Variants in SEM1 observed in about 807,000 individuals in gnomAD.
SEM1 encodes 26S proteasome complex subunit SEM1.
A neutral mutation model predicts 12.7 loss-of-function variants in SEM1; 3 were observed. The observed-to-expected ratio is 0.24, with a 90% CI of 0.11 to 0.61. The LOEUF is 0.61. Ranked by LOEUF, SEM1 falls within the 20% of genes least tolerant of loss-of-function variation. The probability of loss-of-function intolerance (pLI) is 0.88; values close to 1 mark genes in which losing one functional copy is unlikely to be tolerated. For missense variants in SEM1, 59 were observed against 81.3 expected (o/e 0.73, Z 1.06); for synonymous variants, 30 against 27.8 (o/e 1.08, Z -0.25).
intron 2 of SEM1, among the ~76,000 whole-genome samples, chr7:96,642,375 G>A (rs1467725543): frequency 1.3e-5 from 2 of 151,954 alleles, no homozygotes; most frequent in East Asian, 1.9e-4. Flanking sequence ...TCTGCATATG[G>A]GAAATATTCT....
intron 2 of SEM1, among the ~76,000 whole-genome samples, chr7:96,592,730 C>G (rs1039100050): frequency 7.2e-5 from 11 of 151,802 alleles, no homozygotes; most frequent in Non-Finnish European, 1.5e-4. Context: ...ATTTTCTTAA[C>G]AGGGTTTCAA....
chr7:96,534,200 G>A (rs1424530179), intron 2 of SEM1, among the ~76,000 whole-genome samples: 1 of 151,906 alleles, frequency 6.6e-6, no homozygotes, highest in East Asian at 1.9e-4. Flanking sequence ...GTCACTTCAG[G>A]GAAAACAACT....
At chr7:96,693,689 G>C (rs1457844578) in intron 2 of SEM1, among the ~76,000 whole-genome samples, 1 of 151,716 alleles carries the variant, frequency 6.6e-6, no homozygotes, top group African/African-American at 2.4e-5. Context: ...TTGTTCAACT[G>C]CTGTAGAAAA....
intron 2 of SEM1, among the ~76,000 whole-genome samples, chr7:96,571,237 T>C (rs1444490125): frequency 6.6e-6 from 1 of 152,200 alleles, no homozygotes; most frequent in East Asian, 1.9e-4. Context: ...TTTTGGCTTT[T>C]GTTGCCATGC....
At chr7:96,704,815 A>G (rs1359219080) in intron 1 of SEM1, among the ~76,000 whole-genome samples, 1 of 152,198 alleles carries the variant, frequency 6.6e-6, no homozygotes, top group Admixed American at 6.5e-5. Flanking sequence ...TATCTTCTAC[A>G]TTTAAGATTC....
rs964138509 is a variant in SEM1, at chr7:96,640,562, G to T, written c.171-17919C>A. On this transcript the variant is annotated intron_variant, in intron 2 of 2. Transcript: ENST00000417009. The surrounding 1 kb of genome is among the most constrained non-coding windows in gnomAD (Gnocchi z 4.0). ...CAGTGAAAACTTTAGTGGTTGGCAG[G>T]GGGTAGTGGGAGGGAGAGATGAATA... 6.6e-6 allele frequency among the ~76,000 whole-genome samples: 1 copy of T among 151,992 alleles called. No individual in the cohort carries two copies. The highest frequency in any genetic ancestry group is 1.5e-5 in the Non-Finnish European group (1 of 67,940).
At chr7:96,697,028 T>C (rs1490862180) in intron 1 of SEM1, 1 of 152,022 alleles carries the variant, frequency 6.6e-6, no homozygotes, top group Non-Finnish European at 1.5e-5. Context: ...TCATGTCTAA[T>C]GCCATCCTTC....
chr7:96,633,400 C>T (rs888653226), intron 2 of SEM1, among the ~76,000 whole-genome samples: 3 of 151,936 alleles, frequency 2.0e-5, no homozygotes, highest in Non-Finnish European at 4.4e-5. Flanking sequence ...GGTTGGATTA[C>T]CACATCCACA....
downstream of SEM1, chr7:96,621,832 T>C (rs1807901650): frequency 6.6e-6 from 1 of 152,208 alleles, no homozygotes; most frequent in Non-Finnish European, 1.5e-5. Flanking sequence ...ATATGACCCA[T>C]CTTCTCTGAC....
intron 2 of SEM1, among the ~76,000 whole-genome samples, chr7:96,550,580 G>T (rs1563056180): frequency 6.6e-6 from 1 of 152,180 alleles, no homozygotes; most frequent in Non-Finnish European, 1.5e-5. Context: ...CAATTATGAA[G>T]TGTGTTGAAA....
At chr7:96,554,005 T>C (rs1277395264) in intron 2 of SEM1, among the ~76,000 whole-genome samples, 3 of 151,792 alleles carry the variant, frequency 2.0e-5, no homozygotes, top group African/African-American at 4.9e-5. Context: ...TTGTCTGTTG[T>C]TGGTGTATAA....
chr7:96,677,876 T>C (rs761185596), intron 2 of SEM1, among the ~76,000 whole-genome samples: 1 of 152,130 alleles, frequency 6.6e-6, no homozygotes, highest in African/African-American at 2.4e-5. Context: ...ATAAAACCAA[T>C]GTCCACTATG....
chr7:96,669,878 T>G (rs1364847461), downstream of SEM1, among the ~76,000 whole-genome samples: 2 of 152,212 alleles, frequency 1.3e-5, no homozygotes, highest in Non-Finnish European at 2.9e-5. Flanking sequence ...TGATCACTAT[T>G]TGTTGACACA....
intron 2 of SEM1, among the ~76,000 whole-genome samples, chr7:96,521,617 C>T (rs138074610): frequency 3.5e-4 from 54 of 152,222 alleles, no homozygotes; most frequent in African/African-American, 1.3e-3. Context: ...CAGGTCACAA[C>T]TGCGTAATGG....
Position 96,664,122 on chromosome 7 carries a change from A to G in SEM1, c.170+30676T>C, listed in dbSNP as rs1182335640. 4.6e-5 allele frequency: 7 copies of G among 152,188 alleles called. No individual in the cohort carries two copies. The East Asian group carries it at 9.6e-4, about 21-fold the overall frequency. 9.4% of individuals were successfully genotyped at this position (152,188 alleles called of 1,614,324 possible). A position where few individuals can be genotyped will look rare whatever the true frequency, so the allele number is the denominator to read the frequency against. ...ACCCAGTAATTCCACTCTTAGTTAT[A>G]TATCTGTTTGCTTTCTATTGCTGCC... On this transcript the variant is annotated intron_variant, in intron 2 of 2. Coordinates refer to the SEM1 transcript ENST00000417009.
intron 1 of SEM1, among the ~76,000 whole-genome samples, chr7:96,703,632 C>T (rs1341944723): frequency 6.7e-6 from 1 of 149,164 alleles, no homozygotes; most frequent in East Asian, 2.1e-4. Context: ...TAAGGTTATT[C>T]ACTGCAGCAT....
intron 2 of SEM1, among the ~76,000 whole-genome samples, chr7:96,633,310 C>G (rs937458792): frequency 1.3e-5 from 2 of 152,064 alleles, no homozygotes; most frequent in African/African-American, 2.4e-5. Flanking sequence ...AGGGTAGCAA[C>G]TGCTTGCCTT....
At chr7:96,537,932 GA>G (rs1804837191) in intron 2 of SEM1, among the ~76,000 whole-genome samples, 1 of 151,608 alleles carries the variant, frequency 6.6e-6, no homozygotes, top group African/African-American at 2.4e-5. Flanking sequence ...TATGCCTTTT[GA>G]AATTTTCCCA....
At chr7:96,579,715 T>C (rs980753961) in intron 2 of SEM1, among the ~76,000 whole-genome samples, 2 of 152,190 alleles carry the variant, frequency 1.3e-5, no homozygotes, top group African/African-American at 4.8e-5. Flanking sequence ...TAAAATAAAG[T>C]GTTTCATTTT....
Sources: gnomAD v4.1 joint callset for allele counts (sites outside exome capture counted in the v4.1 genomes callset) on GRCh38, gnomAD v4.1.1 for gene constraint, Gnocchi (gnomAD v3.1) non-coding constraint, MANE v1.5 for transcripts, NCBI Gene and HGNC (gene_info 2026-07-23, HGNC 2026-07-21) for gene names.